The following NSD1 variants were observed in gnomAD, a reference collection of about 807,000 sequenced individuals.
NSD1 encodes nuclear receptor binding SET domain protein 1, also known as histone-lysine N-methyltransferase, H3 lysine-36 specific.
Under a neutral mutation model 242.7 loss-of-function variants are expected in NSD1, and 26 were observed. The ratio of observed to expected loss-of-function variants is 0.11; its 90% CI spans 0.08 to 0.15. The LOEUF (loss-of-function observed/expected upper bound fraction) is 0.15. Among genes scored for constraint, NSD1 ranks in the 10% least tolerant of loss-of-function variants. The probability of loss-of-function intolerance (pLI) is 1.00; values close to 1 mark genes in which losing one functional copy is unlikely to be tolerated. For missense variants in NSD1, 2,495 were observed against 3,272.8 expected (o/e 0.76, Z 5.80); for synonymous variants, 1,106 against 1,178.1 (o/e 0.94, Z 1.25).
rs372397508 is a variant in NSD1, at chr5:177,199,579, ATTTTCTTTTC to A, written c.1064-4516_1064-4507del. Among the ~76,000 whole-genome samples, 330 of 127,806 alleles carry A rather than the reference ATTTTCTTTTC, an allele frequency of 2.6e-3. 1 individual carries two copies. The highest frequency in any genetic ancestry group is 9.1e-3 in the East Asian group (45 of 4,972). 83.8% of individuals were successfully genotyped at this position (127,806 alleles called of 152,430 possible). A position where few individuals can be genotyped will look rare whatever the true frequency, so the allele number is the denominator to read the frequency against. ...GGCCAGCCTTCATATTCAACTTAATATTTTCTTTTCTTTTCTTTTCTTTTCTTTTCTTTTT... is the reference window on the plus strand; with the variant it reads ...GGCCAGCCTTCATATTCAACTTAATATTTTCTTTTCTTTTCTTTTCTTTTT... On this transcript the variant is annotated intron_variant, in intron 3 of 22. Transcript: ENST00000439151.
At chr5:177,229,880 A>G (rs1007547883) in intron 5 of NSD1, 7 of 224,958 alleles carry the variant, frequency 3.1e-5, no homozygotes, top group African/African-American at 1.2e-4. Flanking sequence ...AGTAGCTGCA[A>G]CTACAGGTAT....
chr5:177,210,059 A>G lies in NSD1; in HGVS notation c.1660A>G (p.Ile554Val), dbSNP rs1204106382. 2 of 1,614,004 alleles carry G rather than the reference A, an allele frequency of 1.2e-6. No individual in the cohort carries two copies. Among genetic ancestry groups the G allele is most frequent in the Admixed American group, 1.7e-5 (1 of 59,986 alleles). Residue 554 changes from isoleucine to valine, a missense_variant, in exon 5 of 23, where the codon ATA (isoleucine) becomes GTA (valine). Around this residue, in one of 19 missense-constraint regions of NSD1, gnomAD observed 515 missense variants for 467.0 expected, o/e 1.10. Transcript: ENST00000439151. ...DTQASNELSR[I>V]ANSLTGSNTA... is the part of the protein sequence containing the mutation. ...GCAGGCCTCTAATGAACTTTCCAGG[A>G]TAGCAAATAGCCTCACAGGGTCCAA...
Position 177,162,141 on chromosome 5 carries a change from C to G in NSD1, c.927+26111C>G, listed in dbSNP as rs566286988. Among the ~76,000 whole-genome samples, 12 of 151,852 alleles carry G rather than the reference C, an allele frequency of 7.9e-5. No individual in the cohort carries two copies. The South Asian group carries it at 2.5e-3, about 32-fold the overall frequency. ...GGGGAAACCTCATCTCTACTAAAAA[C>G]ACAAAAATTAGTTGGGCGTGGTGGC... On this transcript the variant is annotated intron_variant, in intron 2 of 22. Transcript: ENST00000439151.
At chr5:177,243,187 T>A (rs933370981) in intron 8 of NSD1, among the ~76,000 whole-genome samples, 3 of 151,866 alleles carry the variant, frequency 2.0e-5, no homozygotes, top group African/African-American at 7.3e-5. Flanking sequence ...TTTTTCTTTC[T>A]TTCTTTCTTT....
intron 5 of NSD1, among the ~76,000 whole-genome samples, chr5:177,218,104 G>C (rs966159933): frequency 6.6e-6 from 1 of 152,118 alleles, no homozygotes; most frequent in African/African-American, 2.4e-5. Flanking sequence ...GTACAGGTCA[G>C]GTTTTACTAT....
intron 2 of NSD1, among the ~76,000 whole-genome samples, chr5:177,162,320 GAAAAA>G (rs916563975): frequency 2.0e-5 from 3 of 151,574 alleles, no homozygotes; most frequent in Non-Finnish European, 4.4e-5. Context: ...AAATCTAGTT[GAAAAA>G]TGTCATCGGG....
At chr5:177,188,901 A>C (rs1169485649) in intron 2 of NSD1, among the ~76,000 whole-genome samples, 1 of 152,156 alleles carries the variant, frequency 6.6e-6, no homozygotes, top group African/African-American at 2.4e-5. Flanking sequence ...CTCTACAAAA[A>C]ATACAGAAAT....
intron 2 of NSD1, among the ~76,000 whole-genome samples, chr5:177,145,084 C>CAAA (rs530282937): frequency 2.6e-5 from 2 of 77,708 alleles, no homozygotes; most frequent in South Asian, 8.7e-4. Flanking sequence ...GACTTTGTCT[C>CAAA]AAAAAAAAAA....
At chr5:177,226,338 A>G (rs955597883) in intron 5 of NSD1, among the ~76,000 whole-genome samples, 7 of 152,154 alleles carry the variant, frequency 4.6e-5, no homozygotes, top group Non-Finnish European at 1.0e-4. Context: ...CCCGGCCAGT[A>G]GTGTGCCATA....
intron 5 of NSD1, among the ~76,000 whole-genome samples, chr5:177,224,507 T>G: frequency 6.6e-6 from 1 of 152,106 alleles, no homozygotes; most frequent in South Asian, 2.1e-4. Flanking sequence ...TATTTAATAT[T>G]AATACAAACA....
chr5:177,155,868 G>A (rs1303927238), intron 2 of NSD1, among the ~76,000 whole-genome samples: 1 of 150,138 alleles, frequency 6.7e-6, no homozygotes, highest in East Asian at 2.0e-4. Context: ...ATACACCCAG[G>A]TAATTTTTTG....
Position 177,295,644 on chromosome 5 carries a change from G to T in NSD1, c.*185G>T, listed in dbSNP as rs563527431. 5 of 699,124 alleles carry T rather than the reference G, an allele frequency of 7.2e-6. No homozygotes were observed. The highest frequency in any genetic ancestry group is 6.7e-5 in the South Asian group (4 of 59,310). 43.3% of individuals were successfully genotyped at this position (699,124 alleles called of 1,614,324 possible). ...CATTAGCCAGTGGGGGCTTATGGTTGTGTGAACCATGTATGAAAATCCAGT... is the reference window on the plus strand; with the variant it reads ...CATTAGCCAGTGGGGGCTTATGGTTTTGTGAACCATGTATGAAAATCCAGT... On this transcript the variant is annotated 3_prime_UTR_variant, in exon 23 of 23. Transcript: ENST00000439151. This position sits in a 1 kb window ranked among gnomAD's most constrained non-coding sequence, Gnocchi z 4.3.
In NSD1 at chr5:177,293,860, T is replaced by C. The variant is rs1273509850; in HGVS notation, c.6492T>C (p.Cys2164=). ...AGKWECPWHQ[C]DICGKEAASF... is the part of the protein sequence containing the mutation. ...AATGGGAATGTCCGTGGCATCAGTG[T>C]GACATCTGCGGGAAGGAAGCAGCCT... Residue 2164 remains cysteine (C), a synonymous_variant, in exon 23 of 23, where the codon TGT becomes TGC. Coordinates refer to ENST00000439151, the MANE Select transcript of NSD1 (RefSeq NM_022455.5). 1.2e-6 allele frequency: 2 copies of C among 1,614,136 alleles called. No individual in the cohort carries two copies. Among genetic ancestry groups the C allele is most frequent in the South Asian group, 2.2e-5 (2 of 91,080 alleles).
intron 2 of NSD1, among the ~76,000 whole-genome samples, chr5:177,154,456 A>AT (rs1411825458): frequency 6.6e-6 from 1 of 152,116 alleles, no homozygotes; most frequent in Non-Finnish European, 1.5e-5. Flanking sequence ...TGACCCAATC[A>AT]TTTTTCAGAT....
intron 14 of NSD1, among the ~76,000 whole-genome samples, chr5:177,261,781 C>G (rs118139769): frequency 1.3e-5 from 2 of 152,272 alleles, no homozygotes; most frequent in East Asian, 3.9e-4. Context: ...ACCAGTTCTT[C>G]AGTTTTCTCA....
intron 3 of NSD1, among the ~76,000 whole-genome samples, chr5:177,196,815 G>A (rs1762133450): frequency 6.6e-6 from 1 of 152,112 alleles, no homozygotes; most frequent in South Asian, 2.1e-4. Flanking sequence ...TGAAACAGGT[G>A]GAAGAGGAAA....
At chr5:177,274,424 A>G (rs1417154832) in intron 17 of NSD1, among the ~76,000 whole-genome samples, 3 of 152,234 alleles carry the variant, frequency 2.0e-5, no homozygotes, top group Non-Finnish European at 2.9e-5. Context: ...TTGCTAAAAT[A>G]ATTGCAGTTT....
rs959441868 is a variant in NSD1 at position 177,296,123 on chromosome 5, G to T, written c.*664G>T. The stretch of plus-strand genomic sequence containing the variant: ...TCTTGGCTGCGGTGTGCATGGGTGC[G>T]TGTGCATGCGCGCACACTCACAGAG... On this transcript the variant is annotated 3_prime_UTR_variant, in exon 23 of 23. Coordinates refer to ENST00000439151, the MANE Select transcript of NSD1 (RefSeq NM_022455.5). The T allele has an allele frequency of 4.0e-6, 1 of 246,996 alleles. No homozygotes were observed. The allele number at this position is 246,996 out of a possible 1,614,324, so 15.3% of individuals were successfully genotyped here. A position where few individuals can be genotyped will look rare whatever the true frequency, so the allele number is the denominator to read the frequency against.
chr5:177,191,062 G>T (rs1761651868), intron 2 of NSD1, among the ~76,000 whole-genome samples: 1 of 151,096 alleles, frequency 6.6e-6, no homozygotes, highest in Non-Finnish European at 1.5e-5. Flanking sequence ...CGCCTCCAGG[G>T]TTCAAGCGAT....
Sources: allele counts gnomAD v4.1 joint callset (sites outside exome capture counted in the v4.1 genomes callset), GRCh38; gene constraint gnomAD v4.1.1; regional missense constraint gnomAD v4.1.1; non-coding constraint Gnocchi (gnomAD v3.1); transcripts MANE v1.5; gene names NCBI Gene and HGNC (gene_info 2026-07-23, HGNC 2026-07-21).